Variants in HACL2 observed in about 807,000 individuals in gnomAD.
The protein encoded by HACL2 is 2-hydroxyacyl-CoA lyase 1 like.
At chr19:15,123,760 T>A in the HACL2 span, 1 of 599,812 alleles carries the variant, frequency 1.7e-6, no homozygotes, top group Non-Finnish European at 3.0e-6. This position sits in a 1 kb window ranked among gnomAD's most constrained non-coding sequence, Gnocchi z 5.1. Flanking sequence ...TAACATCTTA[T>A]CAGATCCTCT....
At chr19:15,120,582 C>T in the HACL2 span, among the ~76,000 whole-genome samples, 1 of 152,234 alleles carries the variant, frequency 6.6e-6, no homozygotes. Context: ...GCTCACTGGG[C>T]CCCAGGGCCC....
the HACL2 span, chr19:15,123,444 T>C: frequency 1.2e-6 from 2 of 1,614,198 alleles, no homozygotes; most frequent in Non-Finnish European, 8.5e-7. The surrounding 1 kb of genome is among the most constrained non-coding windows in gnomAD (Gnocchi z 5.1). Context: ...ACCACACGGA[T>C]GCCCAGTTTC....
chr19:15,119,476 G>T, the HACL2 span: 2 of 1,614,150 alleles, frequency 1.2e-6, no homozygotes, highest in Non-Finnish European at 1.7e-6. Flanking sequence ...ACCATCAGAG[G>T]CCTCTTGGCC....
chr19:15,118,019 G>A, the HACL2 span: 25 of 1,614,058 alleles, frequency 1.5e-5, no homozygotes, highest in Non-Finnish European at 2.0e-5. Context: ...ACAGTTCCTG[G>A]TGTGGGGGAC....
chr19:15,115,768 G>C, the HACL2 span: 2 of 1,572,658 alleles, frequency 1.3e-6, no homozygotes, highest in Non-Finnish European at 1.7e-6. Flanking sequence ...CAGAGAGGAG[G>C]CTCCCTCCCC....
the HACL2 span, among the ~76,000 whole-genome samples, chr19:15,121,153 G>A: frequency 2.5e-4 from 38 of 152,272 alleles, no homozygotes; most frequent in African/African-American, 7.0e-4. Context: ...CAGCTACTCC[G>A]GGGGCTGAGG....
the HACL2 span, chr19:15,119,561 A>AT: frequency 2.6e-6 from 4 of 1,519,588 alleles, no homozygotes; most frequent in Non-Finnish European, 3.6e-6. Context: ...TTATTTATTT[A>AT]TTTTTTTGAG....
chr19:15,124,837 C>A, the HACL2 span: 1 of 1,513,116 alleles, frequency 6.6e-7, no homozygotes, highest in East Asian at 2.5e-5. Flanking sequence ...GCTTTCCCAC[C>A]CTGCACAATG....
the HACL2 span, chr19:15,117,950 C>G: frequency 1.2e-6 from 2 of 1,614,000 alleles, no homozygotes; most frequent in Non-Finnish European, 1.7e-6. Flanking sequence ...TTACGATTGA[C>G]GATGATGATC....
At chr19:15,120,536 C>T in the HACL2 span, among the ~76,000 whole-genome samples, 4 of 152,226 alleles carry the variant, frequency 2.6e-5, no homozygotes, top group East Asian at 7.7e-4. Context: ...GAACACTGTC[C>T]TCTCCTGCTT....
the HACL2 span, chr19:15,123,048 G>A: frequency 1.2e-6 from 2 of 1,607,544 alleles, no homozygotes; most frequent in Non-Finnish European, 1.7e-6. This position sits in a 1 kb window ranked among gnomAD's most constrained non-coding sequence, Gnocchi z 5.1. Context: ...AGACAGAGGT[G>A]TGGCAGGGTT....
the HACL2 span, chr19:15,117,049 CT>C: frequency 6.0e-5 from 10 of 165,552 alleles, no homozygotes; most frequent in East Asian, 7.6e-4. Flanking sequence ...AGCAGCCCCC[CT>C]GGCCTCCACC....
At chr19:15,118,654 C>T in the HACL2 span, among the ~76,000 whole-genome samples, 5 of 152,304 alleles carry the variant, frequency 3.3e-5, no homozygotes, top group South Asian at 2.1e-4. Context: ...CTTGAATAAC[C>T]GCACTCTCCT....
the HACL2 span, chr19:15,116,517 C>T: frequency 5.6e-6 from 9 of 1,612,880 alleles, no homozygotes; most frequent in African/African-American, 1.1e-4. Context: ...AAGGAACCCA[C>T]ATCTCCTGGG....
At chr19:15,125,013 G>C in the HACL2 span, 1 of 1,586,678 alleles carries the variant, frequency 6.3e-7, no homozygotes. Flanking sequence ...GAGCAGGAAG[G>C]AGGGGAATAA....
the HACL2 span, chr19:15,124,891 GC>G: frequency 6.3e-7 from 1 of 1,577,408 alleles, no homozygotes; most frequent in Non-Finnish European, 8.6e-7. Flanking sequence ...CTCTTTGACT[GC>G]CCCCAGCCCA....
chr19:15,115,488 C>G, the HACL2 span: 1 of 1,603,018 alleles, frequency 6.2e-7, no homozygotes, highest in Non-Finnish European at 8.5e-7. Flanking sequence ...CACATGCAGC[C>G]AGCCCAGGAG....
chr19:15,122,498 G>A, the HACL2 span, among the ~76,000 whole-genome samples: 3 of 151,976 alleles, frequency 2.0e-5, no homozygotes, highest in East Asian at 1.9e-4. This position sits in a 1 kb window ranked among gnomAD's most constrained non-coding sequence, Gnocchi z 4.0. Context: ...CACGAGGGCC[G>A]CCTTGCTTTC....
the HACL2 span, chr19:15,119,946 G>T: frequency 7.0e-7 from 1 of 1,427,620 alleles, no homozygotes; most frequent in Non-Finnish European, 9.6e-7. Context: ...TCAGGGAGAG[G>T]GTAGGGTCCT....
Sources: gnomAD v4.1 joint callset for allele counts (sites outside exome capture counted in the v4.1 genomes callset) on GRCh38, gnomAD v4.1.1 for gene constraint, Gnocchi (gnomAD v3.1) non-coding constraint, MANE v1.5 for transcripts, NCBI Gene and HGNC (gene_info 2026-07-23, HGNC 2026-07-21) for gene names.